The following MMP16 variants were observed in gnomAD, a reference collection of about 807,000 sequenced individuals.
MMP16 encodes matrix metallopeptidase 16.
In MMP16, 12 loss-of-function variants were observed where a neutral mutation model predicts 67.8. The observed-to-expected ratio is 0.18, with a 90% CI of 0.11 to 0.29. The LOEUF is 0.29. Among genes scored for constraint, MMP16 ranks in the 10% least tolerant of loss-of-function variants. The pLI, the probability that MMP16 is intolerant of heterozygous loss-of-function variation, is 1.00. For missense variants in MMP16, 475 were observed against 765.7 expected (o/e 0.62, Z 4.48); for synonymous variants, 249 against 255.9 (o/e 0.97, Z 0.26).
chr8:88,316,691 C>G (rs551403957), intron 1 of MMP16, among the ~76,000 whole-genome samples: 5 of 152,270 alleles, frequency 3.3e-5, no homozygotes, highest in African/African-American at 4.8e-5. Flanking sequence ...CTAGCACATC[C>G]ATTTTGCAGC....
intron 1 of MMP16, among the ~76,000 whole-genome samples, chr8:88,280,669 T>A (rs1213914745): frequency 6.6e-6 from 1 of 152,148 alleles, no homozygotes; most frequent in Non-Finnish European, 1.5e-5. Context: ...GGTGAGAGGA[T>A]CACTTGAGCC....
chr8:88,209,196 C>T (rs1285497566), intron 1 of MMP16, among the ~76,000 whole-genome samples: 3 of 152,034 alleles, frequency 2.0e-5, no homozygotes, highest in South Asian at 2.1e-4. Context: ...CCTGCATCTC[C>T]TGCCTCCCCT....
At chr8:88,143,004 C>T (rs747263223) in intron 4 of MMP16, among the ~76,000 whole-genome samples, 1 of 152,108 alleles carries the variant, frequency 6.6e-6, no homozygotes, top group African/African-American at 2.4e-5. Flanking sequence ...ATAGATATAT[C>T]AGAGTGGGTA....
chr8:88,275,948 C>T (rs896634163), intron 1 of MMP16, among the ~76,000 whole-genome samples: 1 of 152,022 alleles, frequency 6.6e-6, no homozygotes, highest in Admixed American at 6.6e-5. Context: ...ACTAAGAGCA[C>T]TCCTAGTCCC....
chr8:88,155,725 T>A (rs1216608351), intron 4 of MMP16, among the ~76,000 whole-genome samples: 1 of 152,120 alleles, frequency 6.6e-6, no homozygotes, highest in Non-Finnish European at 1.5e-5. Context: ...CATGACAGAT[T>A]CAGTTTGTAC....
At chr8:88,326,324 G>C (rs1312608865) in intron 1 of MMP16, among the ~76,000 whole-genome samples, 2 of 152,086 alleles carry the variant, frequency 1.3e-5, no homozygotes, top group South Asian at 2.1e-4. Context: ...GCTTTGTGCC[G>C]TCTGTTCCCA....
chr8:88,233,634 C>T (rs13251664), intron 1 of MMP16, among the ~76,000 whole-genome samples: 9 of 152,162 alleles, frequency 5.9e-5, no homozygotes, highest in African/African-American at 1.9e-4. Context: ...CCTTCCACTA[C>T]GGAAGCTGAG....
chr8:88,327,313 A>C lies in MMP16; in HGVS notation c.-107T>G. The C allele has an allele frequency of 6.9e-7, 1 of 1,456,802 alleles. No homozygotes were observed. The highest frequency in any genetic ancestry group is 9.4e-7 in the Non-Finnish European group (1 of 1,063,686). 90.2% of individuals were successfully genotyped at this position (1,456,802 alleles called of 1,614,324 possible). ...CAAAAAAAAGTCCTCCGGGTGGGTA[A>C]GGAGCCTGCAGGTTCACCCACAGCC... On this transcript the variant is annotated 5_prime_UTR_variant, in exon 1 of 10. Coordinates refer to ENST00000286614, the MANE Select transcript of MMP16 (RefSeq NM_005941.5).
At chr8:88,260,849 C>A (rs1159618200) in intron 1 of MMP16, among the ~76,000 whole-genome samples, 1 of 152,094 alleles carries the variant, frequency 6.6e-6, no homozygotes, top group Non-Finnish European at 1.5e-5. Flanking sequence ...CCATTGACCA[C>A]CAGACTTCAA....
chr8:88,121,461 C>G (rs1340091715), intron 4 of MMP16, among the ~76,000 whole-genome samples: 1 of 152,142 alleles, frequency 6.6e-6, no homozygotes, highest in East Asian at 1.9e-4. Context: ...AAGTACTGCC[C>G]TGTGATTTGA....
intron 6 of MMP16, among the ~76,000 whole-genome samples, chr8:88,114,221 G>A (rs1321951466): frequency 6.6e-6 from 1 of 151,554 alleles, no homozygotes; most frequent in African/African-American, 2.4e-5. Context: ...TCTATCCAAT[G>A]TTGCATATGT....
At chr8:88,257,762 T>C (rs551969302) in intron 1 of MMP16, among the ~76,000 whole-genome samples, 5 of 152,290 alleles carry the variant, frequency 3.3e-5, no homozygotes, top group African/African-American at 9.6e-5. Context: ...TTTATAAACA[T>C]GAACAGAGCA....
chr8:88,073,227 G>T (rs1182125736), intron 7 of MMP16, among the ~76,000 whole-genome samples: 1 of 152,166 alleles, frequency 6.6e-6, no homozygotes, highest in Non-Finnish European at 1.5e-5. Flanking sequence ...CCTTTAGGTG[G>T]TATCCTTGCT....
intron 1 of MMP16, among the ~76,000 whole-genome samples, chr8:88,243,034 A>G (rs1810056748): frequency 2.0e-5 from 3 of 152,170 alleles, no homozygotes; most frequent in Non-Finnish European, 2.9e-5. Context: ...TAATCTCAGA[A>G]ACCAAAGTTA....
intron 1 of MMP16, among the ~76,000 whole-genome samples, chr8:88,216,614 T>A (rs565305999): frequency 2.5e-4 from 38 of 152,266 alleles, no homozygotes; most frequent in African/African-American, 9.1e-4. Context: ...ACTTTCATAA[T>A]CTTGACACTT....
intron 1 of MMP16, among the ~76,000 whole-genome samples, chr8:88,233,397 GAAT>G (rs1162624457): frequency 6.6e-6 from 1 of 152,056 alleles, no homozygotes; most frequent in Non-Finnish European, 1.5e-5. Flanking sequence ...GCCCTTCTCA[GAAT>G]ACTCACCATA....
At chr8:88,175,098 C>T (rs1049787977) in intron 3 of MMP16, among the ~76,000 whole-genome samples, 1 of 151,946 alleles carries the variant, frequency 6.6e-6, no homozygotes, top group Non-Finnish European at 1.5e-5. Flanking sequence ...CAGGAAGCAG[C>T]CAAAAAGGTG....
intron 1 of MMP16, among the ~76,000 whole-genome samples, chr8:88,264,945 T>A (rs1254506045): frequency 1.3e-5 from 2 of 152,222 alleles, no homozygotes; most frequent in Non-Finnish European, 2.9e-5. Context: ...TTCCAATGAC[T>A]TGGCAAGACT....
chr8:88,233,663 T>C (rs1185711819), intron 1 of MMP16, among the ~76,000 whole-genome samples: 1 of 152,212 alleles, frequency 6.6e-6, no homozygotes, highest in Non-Finnish European at 1.5e-5. Context: ...TGTCTGGTAC[T>C]GGGCTTTTTT....
Sources: gnomAD v4.1 joint callset for allele counts (sites outside exome capture counted in the v4.1 genomes callset) on GRCh38, gnomAD v4.1.1 for gene constraint, MANE v1.5 for transcripts, NCBI Gene and HGNC (gene_info 2026-07-23, HGNC 2026-07-21) for gene names.